Variants in DRC2 observed in about 807,000 individuals in gnomAD.
DRC2 encodes coiled-coil domain containing 65.
chr12:48,918,123 A>G, the DRC2 span: 2 of 667,726 alleles, frequency 3.0e-6, no homozygotes, highest in Admixed American at 2.9e-5. Context: ...ACATATTTAT[A>G]TCATCTGCCT....
chr12:48,917,045 T>C, the DRC2 span: 4 of 1,614,114 alleles, frequency 2.5e-6, no homozygotes, highest in Admixed American at 1.7e-5. Context: ...AGCAGAACTA[T>C]ATAGATTCTG....
the DRC2 span, chr12:48,904,204 C>A: frequency 2.4e-6 from 3 of 1,245,518 alleles, no homozygotes; most frequent in African/African-American, 3.0e-5. Context: ...GGGCTGAGAT[C>A]TCCGGTCCCA....
chr12:48,909,403 T>C, the DRC2 span, among the ~76,000 whole-genome samples: 1 of 152,252 alleles, frequency 6.6e-6, no homozygotes, highest in African/African-American at 2.4e-5. Flanking sequence ...TTGCACATGC[T>C]ATTCCCCGTA....
the DRC2 span, among the ~76,000 whole-genome samples, chr12:48,916,434 C>A: frequency 2.0e-5 from 3 of 151,052 alleles, no homozygotes; most frequent in African/African-American, 7.3e-5. Flanking sequence ...CCCGTCTCCA[C>A]CAAAAAAATA....
At chr12:48,913,133 CA>C in the DRC2 span, among the ~76,000 whole-genome samples, 24,704 of 69,696 alleles carry the variant, frequency 0.35, 2,748 homozygotes, top group East Asian at 0.48. Flanking sequence ...GACTCCGTCT[CA>C]AAAAAAAAAA....
the DRC2 span, among the ~76,000 whole-genome samples, chr12:48,913,241 C>CA: frequency 3.4e-4 from 51 of 151,846 alleles, no homozygotes; most frequent in Non-Finnish European, 6.5e-4. Context: ...GTGGTAGCTA[C>CA]ATCACTGCAA....
At chr12:48,908,607 AT>A in the DRC2 span, among the ~76,000 whole-genome samples, 30 of 121,528 alleles carry the variant, frequency 2.5e-4, no homozygotes, top group South Asian at 2.8e-3. Context: ...TATTATTATT[AT>A]TTATTTATTT....
the DRC2 span, among the ~76,000 whole-genome samples, chr12:48,908,270 C>G: frequency 6.6e-6 from 1 of 152,174 alleles, no homozygotes; most frequent in Non-Finnish European, 1.5e-5. Flanking sequence ...CCATGCTGGT[C>G]TTGAACTCCT....
At chr12:48,916,070 C>T in the DRC2 span, among the ~76,000 whole-genome samples, 24 of 150,456 alleles carry the variant, frequency 1.6e-4, no homozygotes, top group Non-Finnish European at 3.1e-4. Context: ...CTCCTCACTT[C>T]CCAGATGGGA....
At chr12:48,910,923 T>C in the DRC2 span, among the ~76,000 whole-genome samples, 1 of 152,120 alleles carries the variant, frequency 6.6e-6, no homozygotes, top group Admixed American at 6.6e-5. Flanking sequence ...TATGTGCCTA[T>C]AGTCCCAGCT....
chr12:48,920,795 T>C, the DRC2 span: 113 of 689,340 alleles, frequency 1.6e-4, no homozygotes, highest in East Asian at 3.1e-3. Context: ...GTAACCTCCA[T>C]TTGCTATATG....
At chr12:48,921,217 A>T in the DRC2 span, 2 of 1,614,206 alleles carry the variant, frequency 1.2e-6, no homozygotes, top group Non-Finnish European at 1.7e-6. Context: ...AGGTACAACA[A>T]AGTGAAACTG....
the DRC2 span, chr12:48,904,327 C>A: frequency 6.2e-7 from 1 of 1,612,356 alleles, no homozygotes; most frequent in African/African-American, 1.3e-5. Flanking sequence ...GGATCCAATC[C>A]CCTGCCCCCA....
the DRC2 span, chr12:48,904,552 C>A: frequency 6.6e-7 from 1 of 1,507,814 alleles, no homozygotes; most frequent in South Asian, 1.3e-5. Context: ...CATTTTCATC[C>A]TGACCTCCCC....
chr12:48,915,344 T>C, the DRC2 span, among the ~76,000 whole-genome samples: 2 of 145,766 alleles, frequency 1.4e-5, no homozygotes, highest in Non-Finnish European at 3.0e-5. Context: ...AAGCATCTGT[T>C]TAACAAAGCA....
the DRC2 span, among the ~76,000 whole-genome samples, chr12:48,919,380 G>A: frequency 6.6e-6 from 1 of 151,006 alleles, no homozygotes; most frequent in Non-Finnish European, 1.5e-5. Context: ...TGTATTTTTT[G>A]TAGAGATGGG....
At chr12:48,914,636 G>T in the DRC2 span, 1 of 1,517,656 alleles carries the variant, frequency 6.6e-7, no homozygotes, top group Non-Finnish European at 9.0e-7. Flanking sequence ...TCCGTGTCAA[G>T]GAGTTGCCTG....
the DRC2 span, among the ~76,000 whole-genome samples, chr12:48,907,718 T>G: frequency 6.6e-6 from 1 of 152,188 alleles, no homozygotes; most frequent in Admixed American, 6.6e-5. Context: ...ACCTAACCTC[T>G]CTATGGCACT....
chr12:48,914,254 G>C, the DRC2 span: 4 of 759,780 alleles, frequency 5.3e-6, no homozygotes, highest in South Asian at 8.5e-5. Flanking sequence ...CATCACTCTT[G>C]CTTTACACAA....
Sources: gnomAD v4.1 joint callset for allele counts (sites outside exome capture counted in the v4.1 genomes callset) on GRCh38, gnomAD v4.1.1 for gene constraint, MANE v1.5 for transcripts, NCBI Gene and HGNC (gene_info 2026-07-23, HGNC 2026-07-21) for gene names.